PRORP: variants seen among roughly 807,000 people sequenced by gnomAD.
PRORP encodes the protein protein only RNase P catalytic subunit.
In PRORP, 51 loss-of-function variants were observed where a neutral mutation model predicts 59.4. That is an observed-to-expected ratio of 0.86 (90% CI 0.69 to 1.08). The LOEUF (loss-of-function observed/expected upper bound fraction) is 1.08. Among genes scored for constraint, PRORP ranks in the 50% least tolerant of loss-of-function variants. PRORP has a pLI of 0.00. For missense variants in PRORP, 646 were observed against 690.3 expected (o/e 0.94, Z 0.72); for synonymous variants, 231 against 245.6 (o/e 0.94, Z 0.55).
At chr14:35,152,611 C>G (rs1171777894) in intron 4 of PRORP, among the ~76,000 whole-genome samples, 1 of 151,472 alleles carries the variant, frequency 6.6e-6, no homozygotes, top group Admixed American at 6.6e-5. Flanking sequence ...GGCTGACCCC[C>G]CCACCTCCGC....
At chr14:35,259,911 A>C (rs187472822) in intron 5 of PRORP, among the ~76,000 whole-genome samples, 1 of 152,096 alleles carries the variant, frequency 6.6e-6, no homozygotes, top group East Asian at 1.9e-4. Flanking sequence ...AATAAAATAA[A>C]ATAAAATCTA....
chr14:35,203,968 A>G (rs1248734563), intron 5 of PRORP, among the ~76,000 whole-genome samples: 1 of 152,244 alleles, frequency 6.6e-6, no homozygotes, highest in Non-Finnish European at 1.5e-5. Flanking sequence ...TCCTAAGGTT[A>G]TTTATTGGAT....
intron 5 of PRORP, among the ~76,000 whole-genome samples, chr14:35,202,289 G>T (rs1834018801): frequency 1.3e-5 from 2 of 152,044 alleles, no homozygotes; most frequent in African/African-American, 2.4e-5. Context: ...TAAAAAACAT[G>T]ATAATTAGGT....
intron 4 of PRORP, among the ~76,000 whole-genome samples, chr14:35,130,030 CTT>C (rs1180777805): frequency 2.0e-3 from 255 of 129,906 alleles, no homozygotes; most frequent in African/African-American, 6.8e-3. Flanking sequence ...TTTAGACTTT[CTT>C]TTTTTTTTTT....
intron 5 of PRORP, among the ~76,000 whole-genome samples, chr14:35,224,879 A>G (rs1259386997): frequency 3.3e-5 from 5 of 152,114 alleles, no homozygotes; most frequent in Non-Finnish European, 7.4e-5. Flanking sequence ...ATATTTGACA[A>G]TGAACTCCTT....
intron 4 of PRORP, among the ~76,000 whole-genome samples, chr14:35,179,796 G>A (rs144689249): frequency 1.3e-5 from 2 of 152,230 alleles, no homozygotes; most frequent in African/African-American, 4.8e-5. Context: ...TTCCTTTGGA[G>A]GGGGAGAGGT....
intron 5 of PRORP, among the ~76,000 whole-genome samples, chr14:35,230,310 C>T (rs1283540785): frequency 1.3e-5 from 2 of 152,150 alleles, no homozygotes; most frequent in Non-Finnish European, 2.9e-5. Context: ...CCTTGGCCTC[C>T]CAAGGTATTG....
At chr14:35,222,263 G>C (rs1392968269) in intron 5 of PRORP, 1 of 152,144 alleles carries the variant, frequency 6.6e-6, no homozygotes, top group African/African-American at 2.4e-5. Context: ...GGAAGATTTA[G>C]AGATGTTATT....
intron 4 of PRORP, among the ~76,000 whole-genome samples, chr14:35,152,828 C>T (rs566610501): frequency 5.5e-4 from 82 of 149,706 alleles, no homozygotes; most frequent in African/African-American, 1.9e-3. Flanking sequence ...ACATCTCAGA[C>T]GGTGGGCGGC....
intron 4 of PRORP, among the ~76,000 whole-genome samples, chr14:35,138,155 G>T (rs1242528123): frequency 1.4e-5 from 2 of 145,254 alleles, no homozygotes; most frequent in African/African-American, 4.9e-5. Context: ...CCTTCCTCTG[G>T]TGTATTCCTG....
intron 5 of PRORP, among the ~76,000 whole-genome samples, chr14:35,193,479 T>C (rs1054121451): frequency 3.9e-5 from 6 of 152,236 alleles, no homozygotes; most frequent in Non-Finnish European, 1.5e-5. Context: ...GTAAAGTGTT[T>C]ACTTGACAGT....
chr14:35,127,225 C>T (rs1307026090), intron 3 of PRORP, among the ~76,000 whole-genome samples: 1 of 151,490 alleles, frequency 6.6e-6, no homozygotes, highest in Non-Finnish European at 1.5e-5. Context: ...ACCAAGTCTC[C>T]ACTAAAAATA....
At chr14:35,162,438 A>G (rs977144957) in intron 4 of PRORP, among the ~76,000 whole-genome samples, 2 of 152,042 alleles carry the variant, frequency 1.3e-5, no homozygotes, top group South Asian at 2.1e-4. Flanking sequence ...TTAATTTACA[A>G]TTTTCTTGGA....
chr14:35,134,625 G>A (rs1035381796), intron 4 of PRORP, among the ~76,000 whole-genome samples: 3 of 152,032 alleles, frequency 2.0e-5, no homozygotes, highest in East Asian at 1.9e-4. Flanking sequence ...GACTCTGACC[G>A]GTACCCCATC....
chr14:35,232,079 CACTT>C (rs1286716606), intron 5 of PRORP, among the ~76,000 whole-genome samples: 5 of 152,230 alleles, frequency 3.3e-5, no homozygotes, highest in Middle Eastern at 3.4e-3. Flanking sequence ...GTGTTTATCT[CACTT>C]AATCATAGGT....
chr14:35,170,079 TTTC>T (rs1346437077), intron 4 of PRORP, among the ~76,000 whole-genome samples: 1 of 152,234 alleles, frequency 6.6e-6, no homozygotes, highest in Non-Finnish European at 1.5e-5. Flanking sequence ...TAGTATTCCT[TTTC>T]TTCAAGTCTA....
chr14:35,262,458 A>G, intron 5 of PRORP: 2 of 459,044 alleles, frequency 4.4e-6, no homozygotes, highest in Non-Finnish European at 8.0e-6. Context: ...CTACTGAGAG[A>G]ACGAAGACCA....
intron 4 of PRORP, among the ~76,000 whole-genome samples, chr14:35,128,148 C>T (rs1366718700): frequency 6.6e-6 from 1 of 152,160 alleles, no homozygotes; most frequent in Non-Finnish European, 1.5e-5. Context: ...ACCATCCTTA[C>T]GTCTCAGGGA....
chr14:35,154,272 TCA>T (rs1252642346), intron 4 of PRORP, among the ~76,000 whole-genome samples: 1 of 152,184 alleles, frequency 6.6e-6, no homozygotes, highest in Non-Finnish European at 1.5e-5. Context: ...TAGCACAGTG[TCA>T]GTTTGGGAGG....
Sources: gnomAD v4.1 joint callset for allele counts (sites outside exome capture counted in the v4.1 genomes callset) on GRCh38, gnomAD v4.1.1 for gene constraint, MANE v1.5 for transcripts, NCBI Gene and HGNC (gene_info 2026-07-23, HGNC 2026-07-21) for gene names.